The following NUDT19 variants were observed in gnomAD, a reference collection of about 807,000 sequenced individuals.
The protein encoded by NUDT19 is nudix hydrolase 19, also known as acyl-coenzyme A diphosphatase NUDT19.
A neutral mutation model predicts 22.2 loss-of-function variants in NUDT19; 31 were observed. That is an observed-to-expected ratio of 1.40 (90% CI 1.05 to 1.89). NUDT19 has a LOEUF of 1.89. Ranked by LOEUF, NUDT19 falls within the 40% of genes most tolerant of loss-of-function variation. The probability of loss-of-function intolerance (pLI) is 0.00; values close to 1 mark genes in which losing one functional copy is unlikely to be tolerated. For synonymous variants in NUDT19, 325 were observed against 230.8 expected (o/e 1.41, Z -3.70); for missense variants, 752 against 514.2 (o/e 1.46, Z -4.47).
intron 1 of NUDT19, among the ~76,000 whole-genome samples, chr19:32,707,366 C>T (rs1014172346): frequency 1.3e-5 from 2 of 152,152 alleles, no homozygotes; most frequent in Non-Finnish European, 2.9e-5. Context: ...TTGCTGGACA[C>T]CATACCAGGG....
chr19:32,696,011 G>A (rs1053314033), intron 1 of NUDT19, among the ~76,000 whole-genome samples: 1 of 152,108 alleles, frequency 6.6e-6, no homozygotes, highest in African/African-American at 2.4e-5. Flanking sequence ...AACTTCCATC[G>A]GTATATAGGT....
In NUDT19 at chr19:32,700,517, C is replaced by T. The variant is rs544510993; in HGVS notation, c.714+7843C>T. ...ACCCAGGAAGTCCAGCTGGCTTCACCTCTCACTGGGCTGAAGTGATTCTCG... is the reference window on the plus strand; with the variant it reads ...ACCCAGGAAGTCCAGCTGGCTTCACTTCTCACTGGGCTGAAGTGATTCTCG... On this transcript the variant is annotated intron_variant, in intron 1 of 2. Coordinates refer to ENST00000397061, the MANE Select transcript of NUDT19 (RefSeq NM_001105570.2). 1.8e-4 allele frequency among the ~76,000 whole-genome samples: 28 copies of T among 152,280 alleles called. 1 individual carries two copies. The highest frequency in any genetic ancestry group is 6.5e-4 in the African/African-American group (27 of 41,566).
chr19:32,703,042 C>A (rs1968351740), intron 1 of NUDT19, among the ~76,000 whole-genome samples: 1 of 152,046 alleles, frequency 6.6e-6, no homozygotes, highest in African/African-American at 2.4e-5. Flanking sequence ...ACTCTTGTTG[C>A]CCAGGTTAGA....
chr19:32,696,533 T>C lies in NUDT19; in HGVS notation c.714+3859T>C, dbSNP rs146929853. ...TAGAGCTTGAGTTTGTTCCTTCCAA[T>C]GCCCAGACTTCAGGGTTGATTCCCT... On this transcript the variant is annotated intron_variant, in intron 1 of 2. Coordinates refer to ENST00000397061, the MANE Select transcript of NUDT19 (RefSeq NM_001105570.2). Among the ~76,000 whole-genome samples the C allele has an allele frequency of 1.3e-3, 203 of 152,280 alleles. 4 individuals carry two copies. The East Asian group carries it at 0.033, about 25-fold the overall frequency.
chr19:32,713,643 GT>G lies in NUDT19; in HGVS notation c.*1687del, dbSNP rs1347960584. 2.0e-5 allele frequency: 3 copies of G among 152,126 alleles called. No homozygotes were observed. Among genetic ancestry groups the G allele is most frequent in the Admixed American group, 6.6e-5 (1 of 15,254 alleles). 9.4% of individuals were successfully genotyped at this position (152,126 alleles called of 1,614,324 possible). On this transcript the variant is annotated 3_prime_UTR_variant, in exon 3 of 3. Transcript: ENST00000397061. ...GAGGAATAATGTTTATTGATTAAAG[GT>G]GAGAAATGATAGTTAAGACACCAAT... is the stretch of plus-strand genomic sequence containing the variant.
intron 1 of NUDT19, among the ~76,000 whole-genome samples, chr19:32,694,022 T>C (rs1968235415): frequency 6.6e-6 from 1 of 152,204 alleles, no homozygotes; most frequent in South Asian, 2.1e-4. Context: ...CCAGGGGTCC[T>C]CGGTAGAAGT....
intron 1 of NUDT19, among the ~76,000 whole-genome samples, chr19:32,695,552 T>G (rs976426058): frequency 1.3e-5 from 2 of 152,232 alleles, no homozygotes; most frequent in Non-Finnish European, 2.9e-5. Context: ...CTGACTCCTT[T>G]GTCTCTTCCT....
chr19:32,703,823 C>A (rs1355665339), intron 1 of NUDT19, among the ~76,000 whole-genome samples: 2 of 151,778 alleles, frequency 1.3e-5, no homozygotes, highest in African/African-American at 4.8e-5. Context: ...CCACCATGCC[C>A]AGCTACTTTT....
chr19:32,708,010 G>A (rs1192032547), intron 1 of NUDT19, among the ~76,000 whole-genome samples: 1 of 151,176 alleles, frequency 6.6e-6, no homozygotes, highest in African/African-American at 2.4e-5. Flanking sequence ...AATTAGCCAC[G>A]ATGGTGGCGG....
At chr19:32,703,279 G>A (rs7248788) in intron 1 of NUDT19, among the ~76,000 whole-genome samples, 7,344 of 152,254 alleles carry the variant, frequency 0.048, 307 homozygotes, top group East Asian at 0.23. Context: ...GGGATTACAG[G>A]CATCAGCCAC....
chr19:32,696,961 C>G (rs1005722751), intron 1 of NUDT19, among the ~76,000 whole-genome samples: 6 of 152,112 alleles, frequency 3.9e-5, no homozygotes, highest in Non-Finnish European at 8.8e-5. Context: ...GGCTTCTGTC[C>G]CAGAGAACCT....
At chr19:32,696,738 G>T (rs940646036) in intron 1 of NUDT19, among the ~76,000 whole-genome samples, 2 of 152,200 alleles carry the variant, frequency 1.3e-5, no homozygotes, top group Non-Finnish European at 1.5e-5. Flanking sequence ...GAAATACCTG[G>T]TTACAGCCTG....
chr19:32,703,794 C>A (rs1381297634), intron 1 of NUDT19, among the ~76,000 whole-genome samples: 1 of 150,846 alleles, frequency 6.6e-6, no homozygotes, highest in Non-Finnish European at 1.5e-5. Flanking sequence ...TCCCGAGTAG[C>A]TGAGATTACA....
At chr19:32,710,194 A>C (rs906436526) in intron 2 of NUDT19, among the ~76,000 whole-genome samples, 1 of 150,716 alleles carries the variant, frequency 6.6e-6, no homozygotes, top group Non-Finnish European at 1.5e-5. Context: ...TTGTATTATT[A>C]GTAGAGACAG....
At chr19:32,707,669 G>A (rs1968400444) in intron 1 of NUDT19, among the ~76,000 whole-genome samples, 1 of 150,670 alleles carries the variant, frequency 6.6e-6, no homozygotes, top group Admixed American at 6.6e-5. Flanking sequence ...ATGGTGAAAT[G>A]CCATCTCTAC....
intron 2 of NUDT19, among the ~76,000 whole-genome samples, chr19:32,711,108 TCA>T (rs996353773): frequency 6.6e-6 from 1 of 152,016 alleles, no homozygotes; most frequent in African/African-American, 2.4e-5. Context: ...AACATACCAG[TCA>T]CAGATGTTTA....
chr19:32,709,091 C>A, intron 1 of NUDT19, 94 bp from the exon 2 acceptor site: 2 of 816,112 alleles, frequency 2.5e-6, no homozygotes, highest in Middle Eastern at 3.6e-4. Context: ...TCATTTTACA[C>A]ATTCAGTTCT....
chr19:32,699,980 G>C (rs1362569461), intron 1 of NUDT19, among the ~76,000 whole-genome samples: 2 of 151,938 alleles, frequency 1.3e-5, no homozygotes, highest in East Asian at 3.9e-4. Flanking sequence ...TGTTCCTCCT[G>C]GTGCGTTCCT....
At chr19:32,693,087 G>A (rs980551096) in intron 1 of NUDT19, among the ~76,000 whole-genome samples, 2 of 152,294 alleles carry the variant, frequency 1.3e-5, no homozygotes, top group Admixed American at 1.3e-4. Context: ...GCACACCCAG[G>A]CTCGTCTCCA....
Sources: allele counts gnomAD v4.1 joint callset (sites outside exome capture counted in the v4.1 genomes callset), GRCh38; gene constraint gnomAD v4.1.1; transcripts MANE v1.5; gene names NCBI Gene and HGNC (gene_info 2026-07-23, HGNC 2026-07-21).